The following SPON1 variants were observed in gnomAD, a reference collection of about 807,000 sequenced individuals.
SPON1 encodes the protein spondin 1.
Under a neutral mutation model 111.7 loss-of-function variants are expected in SPON1, and 52 were observed. The observed-to-expected ratio is 0.47, with a 90% confidence interval of 0.37 to 0.59. SPON1 has a LOEUF of 0.59. Among genes scored for constraint, SPON1 ranks in the 20% least tolerant of loss-of-function variants. The pLI, the probability that SPON1 is intolerant of heterozygous loss-of-function variation, is 0.00. For missense variants in SPON1, 957 were observed against 1,068.5 expected, an observed-to-expected ratio of 0.90 and a Z score of 1.46; for synonymous variants, 410 against 395.8, an observed-to-expected ratio of 1.04 and a Z score of -0.43.
intron 6 of SPON1, among the ~76,000 whole-genome samples, chr11:14,235,814 T>C (rs1448073160): frequency 2.6e-5 from 4 of 151,740 alleles, no homozygotes; most frequent in Non-Finnish European, 5.9e-5. Context: ...GGACCTGCCA[T>C]GGACATCAAA....
At chr11:14,125,332 TTG>T (rs1253501042) in intron 5 of SPON1, among the ~76,000 whole-genome samples, 2 of 152,158 alleles carry the variant, frequency 1.3e-5, no homozygotes, top group Non-Finnish European at 2.9e-5. Flanking sequence ...ACTGGCCACA[TTG>T]TGCATGGATG....
intron 5 of SPON1, among the ~76,000 whole-genome samples, chr11:14,097,329 G>A (rs185140533): frequency 4.6e-5 from 7 of 152,248 alleles, no homozygotes; most frequent in South Asian, 2.1e-4. Context: ...TGCAATTTCC[G>A]TAAAAACTGA....
intron 6 of SPON1, among the ~76,000 whole-genome samples, chr11:14,188,412 A>G (rs1848310155): frequency 6.6e-6 from 1 of 152,092 alleles, no homozygotes; most frequent in Admixed American, 6.5e-5. Flanking sequence ...TTTGCACCCT[A>G]TTTTGTGGTT....
At chr11:14,031,171 A>C (rs1554916004) in intron 2 of SPON1, among the ~76,000 whole-genome samples, 1 of 152,216 alleles carries the variant, frequency 6.6e-6, no homozygotes, top group African/African-American at 2.4e-5. Flanking sequence ...GGACATAAAG[A>C]TGGAAATGAT....
chr11:14,095,682 C>T (rs1849095015), intron 5 of SPON1, among the ~76,000 whole-genome samples: 1 of 152,184 alleles, frequency 6.6e-6, no homozygotes, highest in Non-Finnish European at 1.5e-5. Context: ...TTTCTTCTTC[C>T]TCTGCATATT....
rs142560214 is a variant in SPON1, at chr11:14,232,804, C to T, written c.826-10528C>T. Among the ~76,000 whole-genome samples, 10 of 152,270 alleles carry T rather than the reference C, an allele frequency of 6.6e-5. No homozygotes were observed. The East Asian group carries it at 1.3e-3, about 21-fold the overall frequency. On this transcript the variant is annotated intron_variant, in intron 6 of 15. Transcript: ENST00000576479. ...AAGCGCTGTCTGGGCTTGCTGGTTC[C>T]GCTAATTCACCTCTGTCTTTCCTGA...
intron 4 of SPON1, among the ~76,000 whole-genome samples, chr11:14,079,232 G>C (rs1848941605): frequency 6.6e-6 from 1 of 152,196 alleles, no homozygotes; most frequent in African/African-American, 2.4e-5. Flanking sequence ...TGAGGGCCGA[G>C]AGGGAATCTT....
intron 15 of SPON1, 24 bp downstream of exon 15, chr11:14,262,999 G>A (rs782627293): frequency 5.6e-6 from 9 of 1,609,482 alleles, no homozygotes; most frequent in African/African-American, 5.4e-5. Context: ...GTGTCAGCCT[G>A]GGTGGTCTCC....
intron 2 of SPON1, among the ~76,000 whole-genome samples, chr11:13,999,622 G>A (rs1181363824): frequency 1.3e-5 from 2 of 152,084 alleles, no homozygotes; most frequent in Non-Finnish European, 2.9e-5. Context: ...GGCCAAGCTG[G>A]TTTTGAACTC....
chr11:14,209,769 A>G lies in SPON1; in HGVS notation c.826-33563A>G, dbSNP rs528144189. On this transcript the variant is annotated intron_variant, in intron 6 of 15. Transcript: ENST00000576479. ...TAGAATGATTTATAATCCTTTGGGT[A>G]TATACCCAGTAATGGATTGCTGGGT... Among the ~76,000 whole-genome samples the G allele has an allele frequency of 3.3e-5, 5 of 152,336 alleles. No individual in the cohort carries two copies. In the East Asian group the frequency reaches 7.7e-4, roughly 24 times the overall value.
chr11:14,079,129 G>A (rs932908899), intron 4 of SPON1, among the ~76,000 whole-genome samples: 1 of 152,176 alleles, frequency 6.6e-6, no homozygotes, highest in Admixed American at 6.5e-5. Context: ...AAGCAACAAC[G>A]TGCAGCTAGA....
At chr11:14,056,209 A>G (rs1848743576) in intron 3 of SPON1, among the ~76,000 whole-genome samples, 1 of 152,240 alleles carries the variant, frequency 6.6e-6, no homozygotes, top group South Asian at 2.1e-4. Context: ...AGTTGCTGAG[A>G]AGACTAAATG....
chr11:14,034,815 G>T (rs1848582662), intron 2 of SPON1, among the ~76,000 whole-genome samples: 1 of 152,144 alleles, frequency 6.6e-6, no homozygotes, highest in African/African-American at 2.4e-5. Flanking sequence ...GACCATGCTA[G>T]GTACCTGGCA....
chr11:14,112,698 A>G (rs190987847), intron 5 of SPON1, among the ~76,000 whole-genome samples: 1 of 152,296 alleles, frequency 6.6e-6, no homozygotes, highest in East Asian at 1.9e-4. Flanking sequence ...GCATGTGTCA[A>G]TTCCATAGAT....
intron 6 of SPON1, among the ~76,000 whole-genome samples, chr11:14,145,639 G>A (rs1262478605): frequency 1.3e-5 from 2 of 152,108 alleles, no homozygotes; most frequent in Non-Finnish European, 2.9e-5. Context: ...ATTGTTGTGT[G>A]TATATTTTCC....
chr11:14,104,086 C>T (rs1223148015), intron 5 of SPON1, among the ~76,000 whole-genome samples: 2 of 151,882 alleles, frequency 1.3e-5, no homozygotes, highest in Non-Finnish European at 2.9e-5. Flanking sequence ...TGCTTTTTTT[C>T]CCTTTAATTA....
intron 6 of SPON1, among the ~76,000 whole-genome samples, chr11:14,211,916 T>C (rs1426534504): frequency 6.6e-6 from 1 of 152,110 alleles, no homozygotes; most frequent in Non-Finnish European, 1.5e-5. Context: ...TAATAGTAGC[T>C]ATATTATTTT....
intron 6 of SPON1, among the ~76,000 whole-genome samples, chr11:14,210,079 A>C (rs1481902169): frequency 6.6e-6 from 1 of 152,050 alleles, no homozygotes; most frequent in Non-Finnish European, 1.5e-5. Flanking sequence ...GTGTCTGTTC[A>C]TATTCTTTGC....
intron 1 of SPON1, among the ~76,000 whole-genome samples, chr11:13,975,278 A>G (rs782647689): frequency 6.6e-6 from 1 of 152,172 alleles, no homozygotes; most frequent in Non-Finnish European, 1.5e-5. Flanking sequence ...AATGCTCAGT[A>G]AAGATAAAAG....
Sources: allele counts gnomAD v4.1 joint callset (sites outside exome capture counted in the v4.1 genomes callset), GRCh38; gene constraint gnomAD v4.1.1; transcripts MANE v1.5; gene names NCBI Gene and HGNC (gene_info 2026-07-23, HGNC 2026-07-21).